The following GPD1L variants were observed in gnomAD, a reference collection of about 807,000 sequenced individuals.
The protein encoded by GPD1L is glycerol-3-phosphate dehydrogenase 1-like protein.
GPD1L carries 17 observed loss-of-function variants against 32.9 expected under a neutral mutation model. That is an observed-to-expected ratio of 0.52 (90% CI 0.35 to 0.78). The LOEUF (loss-of-function observed/expected upper bound fraction) is 0.78, where lower values mean the gene tolerates loss of function less well. GPD1L is among the 30% of genes least tolerant of loss of function. The pLI is 0.01. For synonymous variants in GPD1L, 187 were observed against 165.9 expected (o/e 1.13, Z -0.98); for missense variants, 361 against 447.8 (o/e 0.81, Z 1.75).
rs75031142 is a variant in GPD1L, at chr3:32,134,044, G to A, written c.226-4543G>A. Among the ~76,000 whole-genome samples, 3,581 of 152,254 alleles carry A rather than the reference G, an allele frequency of 0.024. 285 individuals carry two copies. In the East Asian group the frequency reaches 0.25, roughly 11 times the overall value. The stretch of plus-strand genomic sequence containing the variant: ...TGAAAGGCAAGACCTGTTGTTCTGA[G>A]TTTTGCTTCCCAGCATATTTCAGAA... On this transcript the variant is annotated intron_variant, in intron 2 of 7. Transcript: ENST00000282541.
intron 1 of GPD1L, among the ~76,000 whole-genome samples, chr3:32,123,017 G>A (rs911540497): frequency 2.6e-5 from 4 of 151,968 alleles, no homozygotes; most frequent in Non-Finnish European, 4.4e-5. Context: ...TGATCCTCTC[G>A]CTTCAGCCTC....
chr3:32,126,450 A>G (rs1242998881), intron 1 of GPD1L, among the ~76,000 whole-genome samples: 3 of 152,180 alleles, frequency 2.0e-5, no homozygotes, highest in African/African-American at 7.2e-5. Context: ...CCCCAGAACC[A>G]TACTTGTTCT....
rs986156969 is a variant in GPD1L, at chr3:32,111,453, G to A, written c.47+4695G>A. 1.3e-5 allele frequency among the ~76,000 whole-genome samples: 2 copies of A among 152,198 alleles called. 1 individual carries two copies. Among genetic ancestry groups the A allele is most frequent in the South Asian group, 4.1e-4 (2 of 4,828 alleles). Reference sequence around the variant, plus strand: ...TAAGAATCATGTATTGATACCTGCTGTCTGGGATTATGGTTAGGATTAAAT... The same window carrying A: ...TAAGAATCATGTATTGATACCTGCTATCTGGGATTATGGTTAGGATTAAAT... On this transcript the variant is annotated intron_variant, in intron 1 of 7. Transcript: ENST00000282541.
chr3:32,119,535 G>A (rs1700377901), intron 1 of GPD1L, among the ~76,000 whole-genome samples: 1 of 152,070 alleles, frequency 6.6e-6, no homozygotes, highest in South Asian at 2.1e-4. Flanking sequence ...AGCTTAGAAA[G>A]CTTCCCTATG....
chr3:32,114,669 G>T (rs1193763862), intron 1 of GPD1L, among the ~76,000 whole-genome samples: 1 of 152,138 alleles, frequency 6.6e-6, no homozygotes, highest in African/African-American at 2.4e-5. Context: ...GTGGGTTCTT[G>T]GTCTCGCTGA....
At chr3:32,140,152 G>T (rs1575115540) in intron 3 of GPD1L, 76 bp from the exon 4 acceptor site, 1 of 1,475,384 alleles carries the variant, frequency 6.8e-7, no homozygotes, top group East Asian at 2.3e-5. Flanking sequence ...AAGTTGTGTA[G>T]CCATGGGACA....
At chr3:32,141,452 C>T (rs540289644) in intron 4 of GPD1L, among the ~76,000 whole-genome samples, 3 of 152,130 alleles carry the variant, frequency 2.0e-5, no homozygotes, top group Admixed American at 6.5e-5. Context: ...TTGCTTTATT[C>T]GCTGAATATG....
At chr3:32,123,423 G>A (rs953154099) in intron 1 of GPD1L, among the ~76,000 whole-genome samples, 3 of 152,180 alleles carry the variant, frequency 2.0e-5, no homozygotes, top group Non-Finnish European at 4.4e-5. Context: ...TGGCACTGCA[G>A]CGAGACATTC....
intron 5 of GPD1L, chr3:32,151,288 C>A: frequency 1.6e-6 from 1 of 611,090 alleles, no homozygotes; most frequent in Non-Finnish European, 3.0e-6. Flanking sequence ...GCTCCATACA[C>A]CCATTAATTC....
intron 7 of GPD1L, among the ~76,000 whole-genome samples, chr3:32,162,330 G>A (rs141587593): frequency 3.9e-5 from 6 of 152,222 alleles, no homozygotes; most frequent in East Asian, 1.9e-4. Flanking sequence ...CTATGGTACC[G>A]TCTTTTCTTG....
Position 32,166,475 on chromosome 3 carries a change from G to GT in GPD1L, c.*566dup, listed in dbSNP as rs1701149242. 2 of 159,324 alleles carry GT rather than the reference G, an allele frequency of 1.3e-5. No homozygotes were observed. The highest frequency in any genetic ancestry group is 2.8e-5 in the Non-Finnish European group (2 of 72,724). The allele number at this position is 159,324 out of a possible 1,614,324, so 9.9% of individuals were successfully genotyped here. ...ATTTTTAATTAGATAATCCACTCAT[G>GT]TATTTCCCCCTCACTGCAGTTGTCT... is the stretch of plus-strand genomic sequence containing the variant. On this transcript the variant is annotated 3_prime_UTR_variant, in exon 8 of 8. Transcript: ENST00000282541.
chr3:32,148,819 T>C (rs183584126), intron 5 of GPD1L, among the ~76,000 whole-genome samples: 1 of 152,282 alleles, frequency 6.6e-6, no homozygotes, highest in African/African-American at 2.4e-5. Context: ...TTTCATCACA[T>C]AAATAACAGT....
At chr3:32,151,137 G>C in intron 5 of GPD1L, 1 of 526,956 alleles carries the variant, frequency 1.9e-6, no homozygotes, top group African/African-American at 1.9e-5. Context: ...CTTCCCACTG[G>C]TTCCCACAAA....
intron 5 of GPD1L, chr3:32,158,664 C>G: frequency 9.1e-7 from 1 of 1,103,972 alleles, no homozygotes; most frequent in Non-Finnish European, 1.3e-6. Flanking sequence ...AATATGGGCT[C>G]TTTGTCCTAG....
intron 5 of GPD1L, among the ~76,000 whole-genome samples, chr3:32,156,781 C>T (rs1389985996): frequency 6.6e-6 from 1 of 152,104 alleles, no homozygotes; most frequent in East Asian, 1.9e-4. Flanking sequence ...TTTTTATTCC[C>T]CAGCTCATTC....
At chr3:32,145,640 G>A (rs1700809056) in intron 4 of GPD1L, among the ~76,000 whole-genome samples, 1 of 152,112 alleles carries the variant, frequency 6.6e-6, no homozygotes, top group African/African-American at 2.4e-5. Flanking sequence ...CTGAGCAGTG[G>A]GAGGAGACAC....
chr3:32,126,707 C>T (rs2341422), intron 1 of GPD1L, among the ~76,000 whole-genome samples: 11,209 of 152,244 alleles, frequency 0.074, 987 homozygotes, highest in East Asian at 0.46. Context: ...TTGATATCTA[C>T]AGCTATTCTT....
At chr3:32,152,358 GC>G (rs1396647666) in intron 5 of GPD1L, among the ~76,000 whole-genome samples, 2 of 152,140 alleles carry the variant, frequency 1.3e-5, no homozygotes, top group African/African-American at 4.8e-5. Context: ...CCCATTTTGT[GC>G]TGCTATAACA....
intron 1 of GPD1L, among the ~76,000 whole-genome samples, chr3:32,127,436 G>T (rs149539154): frequency 6.6e-6 from 1 of 152,220 alleles, no homozygotes; most frequent in Non-Finnish European, 1.5e-5. Flanking sequence ...ACTGCTGTCG[G>T]GAGGACAGAT....
Sources: gnomAD v4.1 joint callset for allele counts (sites outside exome capture counted in the v4.1 genomes callset) on GRCh38, gnomAD v4.1.1 for gene constraint, MANE v1.5 for transcripts, NCBI Gene and HGNC (gene_info 2026-07-23, HGNC 2026-07-21) for gene names.